The following CRYBG3 variants were observed in gnomAD, a reference collection of about 807,000 sequenced individuals.
The protein encoded by CRYBG3 is crystallin beta-gamma domain containing 3.
A neutral mutation model predicts 244.2 loss-of-function variants in CRYBG3; 127 were observed. The observed-to-expected ratio is 0.52, with a 90% CI of 0.45 to 0.60. The LOEUF is 0.60. Among genes scored for constraint, CRYBG3 ranks in the 20% least tolerant of loss-of-function variants. The pLI, the probability that CRYBG3 is intolerant of heterozygous loss-of-function variation, is 0.00. For synonymous variants in CRYBG3, 1,132 were observed against 1,195.8 expected (o/e 0.95, Z 1.10); for missense variants, 3,325 against 3,442.5 (o/e 0.97, Z 0.85).
Position 97,872,712 on chromosome 3 carries a change from T to G in CRYBG3, c.1518T>G (p.Phe506Leu). ...LQRHAVTDTEFVNEGKRLSAQ... is the reference protein window; with the variant it reads ...LQRHAVTDTELVNEGKRLSAQ... Reference sequence around the variant, plus strand: ...GACATGCTGTGACAGACACAGAATTTGTAAATGAAGGAAAGAGATTGTCTG... The same window carrying G: ...GACATGCTGTGACAGACACAGAATTGGTAAATGAAGGAAAGAGATTGTCTG... The change falls in exon 4 of 22, where the codon TTT (phenylalanine) becomes TTG (leucine). Residue 506 changes from phenylalanine to leucine, a missense_variant. This residue lies in a region of CRYBG3 where 1,526 missense variants were observed against 1,443.2 expected (regional missense o/e 1.06). Transcript: ENST00000389622. 6.5e-7 allele frequency: 1 copy of G among 1,535,982 alleles called. No homozygotes were observed. The highest frequency in any genetic ancestry group is 8.7e-7 in the Non-Finnish European group (1 of 1,146,822).
At chr3:97,831,620 T>C (rs2038654698) in intron 1 of CRYBG3, among the ~76,000 whole-genome samples, 1 of 152,146 alleles carries the variant, frequency 6.6e-6, no homozygotes, top group Non-Finnish European at 1.5e-5. Context: ...TATATGATAT[T>C]TTGTTACATT....
At position 97,895,941 on chromosome 3, in the gene CRYBG3, T is replaced by A. The variant is rs1559736272; in HGVS notation, c.7575-18T>A. On this transcript the variant is annotated intron_variant, in intron 11 of 21. Transcript: ENST00000389622. The stretch of plus-strand genomic sequence containing the variant: ...CAGTTTTATTAATGGGTCATTTGGG[T>A]GTCCCCTGTATTTCTAGGTGGGTTG... 6.8e-6 allele frequency: 11 copies of A among 1,608,078 alleles called. No homozygotes were observed. The highest frequency in any genetic ancestry group is 9.3e-6 in the Non-Finnish European group (11 of 1,177,836).
chr3:97,900,257 A>T (rs2039690427), intron 14 of CRYBG3, among the ~76,000 whole-genome samples, 196 bp from the exon 15 acceptor site: 2 of 152,138 alleles, frequency 1.3e-5, no homozygotes, highest in Admixed American at 6.6e-5. Flanking sequence ...CTGAGTTGGG[A>T]GGATCGCTTG....
Position 97,907,950 on chromosome 3 carries a change from T to C in CRYBG3, c.8005-4217T>C, listed in dbSNP as rs1192944525. 2.0e-5 allele frequency among the ~76,000 whole-genome samples: 3 copies of C among 152,246 alleles called. No homozygotes were observed. In the East Asian group the frequency reaches 5.8e-4, roughly 30 times the overall value. On this transcript the variant is annotated intron_variant, in intron 15 of 21. Transcript: ENST00000389622. ...CCAGAGATTCTGGTATGTTGTGTCT[T>C]TGTTCCCGTTGGTTTCAAAGAACAT...
At position 97,879,723 on chromosome 3, in the gene CRYBG3, T is replaced by C. The variant is rs2039423592; in HGVS notation, c.6863T>C (p.Leu2288Pro). 1 of 1,604,608 alleles carries C rather than the reference T, an allele frequency of 6.2e-7. No individual in the cohort carries two copies. Among genetic ancestry groups the C allele is most frequent in the Admixed American group, 1.7e-5 (1 of 58,708 alleles). The change falls in exon 5 of 22, where the codon CTG (leucine) becomes CCG (proline). Residue 2288 changes from leucine (L) to proline (P), a missense_variant. By Grantham distance (98) the Leu-to-Pro change is moderately conservative. This residue lies in a region of CRYBG3 where 714 missense variants were observed against 803.6 expected (regional missense o/e 0.89). Coordinates refer to ENST00000389622, the MANE Select transcript of CRYBG3 (RefSeq NM_153605.4). Reference protein sequence around the residue: ...PFIENVDKQTLRCNPRPGKMV... With the variant: ...PFIENVDKQTPRCNPRPGKMV... ...TTTCAGAATGTTGACAAACAAACTC[T>C]GAGATGTAACCCAAGACCTGGGAAG... is the stretch of plus-strand genomic sequence containing the variant.
intron 1 of CRYBG3, among the ~76,000 whole-genome samples, chr3:97,827,250 C>T (rs1244477810): frequency 2.0e-5 from 3 of 152,142 alleles, no homozygotes; most frequent in South Asian, 2.1e-4. Context: ...TTCATCTTTG[C>T]GTCCCCTTAG....
In CRYBG3 at chr3:97,915,613, G is replaced by T. The variant is rs1575963152; in HGVS notation, c.8118G>T (p.Trp2706Cys). 6.2e-7 allele frequency: 1 copy of T among 1,608,144 alleles called. No homozygotes were observed. The highest frequency in any genetic ancestry group is 8.5e-7 in the Non-Finnish European group (1 of 1,175,768). The change falls in exon 17 of 22, where the codon TGG (tryptophan) becomes TGT (cysteine). Residue 2706 changes from tryptophan to cysteine, a missense_variant. This residue lies in a region of CRYBG3 where 714 missense variants were observed against 803.6 expected (regional missense o/e 0.89). Transcript: ENST00000389622. ...TGTCTTACTGCTTGGCTTTTAGCTG[G>T]CTCCTCTATTACCAAGAAGACATGT... Reference protein sequence around the residue: ...PCSFKVLRGCWLLYYQEDMFV... With the variant: ...PCSFKVLRGCCLLYYQEDMFV...
At chr3:97,900,867 T>C (rs1305613225) in intron 15 of CRYBG3, among the ~76,000 whole-genome samples, 1 of 152,214 alleles carries the variant, frequency 6.6e-6, no homozygotes, top group Non-Finnish European at 1.5e-5. Flanking sequence ...GCTTATTATG[T>C]ACACGTATTT....
Position 97,873,727 on chromosome 3 carries a change from A to G in CRYBG3, c.2533A>G (p.Lys845Glu), listed in dbSNP as rs530223836. ...TISLSKVSLS[K>E]VEPRNISQDK... ...ATCCTTGTCCAAGGTATCTCTTTCA[A>G]AAGTGGAGCCCAGAAACATTTCTCA... is the stretch of plus-strand genomic sequence containing the variant. The change falls in exon 4 of 22, where the codon AAA (lysine) becomes GAA (glutamate). Residue 845 changes from lysine (K) to glutamate (E), a missense_variant. Physicochemically the swap from Lys to Glu is moderately conservative, Grantham distance 56. Around this residue, in one of 4 missense-constraint regions of CRYBG3, gnomAD observed 1,526 missense variants for 1,443.2 expected, o/e 1.06. Coordinates refer to ENST00000389622, the MANE Select transcript of CRYBG3 (RefSeq NM_153605.4). 6.5e-7 allele frequency: 1 copy of G among 1,535,970 alleles called. No homozygotes were observed. Among genetic ancestry groups the G allele is most frequent in the East Asian group, 2.4e-5 (1 of 40,902 alleles).
At position 97,892,061 on chromosome 3, in the gene CRYBG3, T is replaced by C. The variant is rs1196205207; in HGVS notation, c.7441-799T>C. Among the ~76,000 whole-genome samples, 4 of 152,148 alleles carry C rather than the reference T, an allele frequency of 2.6e-5. No homozygotes were observed. The East Asian group carries it at 7.7e-4, about 29-fold the overall frequency. On this transcript the variant is annotated intron_variant, in intron 10 of 21. Coordinates refer to ENST00000389622, the MANE Select transcript of CRYBG3 (RefSeq NM_153605.4). ...TAGCCATTGCTTTGATTGCGCTGTG[T>C]TTTCAGGATCATACGGGTAAAGCCA...
intron 2 of CRYBG3, among the ~76,000 whole-genome samples, chr3:97,857,232 A>G (rs1331571268): frequency 6.6e-6 from 1 of 152,066 alleles, no homozygotes; most frequent in African/African-American, 2.4e-5. Context: ...GGTCAAAAAA[A>G]TACTTCGTAT....
intron 1 of CRYBG3, among the ~76,000 whole-genome samples, chr3:97,828,309 A>G (rs546724139): frequency 3.7e-4 from 56 of 152,284 alleles, no homozygotes; most frequent in African/African-American, 1.2e-3. Context: ...TCCACTGAAC[A>G]TGTACAGTTT....
chr3:97,856,597 G>T (rs1335384908), intron 2 of CRYBG3, among the ~76,000 whole-genome samples: 2 of 152,214 alleles, frequency 1.3e-5, no homozygotes, highest in South Asian at 2.1e-4. Context: ...CACAATCCAC[G>T]TTCTTCTGCC....
chr3:97,842,573 T>A (rs925873129), intron 1 of CRYBG3, among the ~76,000 whole-genome samples: 1 of 151,952 alleles, frequency 6.6e-6, no homozygotes, highest in African/African-American at 2.4e-5. Context: ...AAAAAAAATC[T>A]TAAATGTGTC....
intron 3 of CRYBG3, among the ~76,000 whole-genome samples, chr3:97,865,254 A>C (rs933514897): frequency 5.3e-5 from 8 of 152,196 alleles, no homozygotes; most frequent in African/African-American, 1.7e-4. Context: ...TGTTGAGTCC[A>C]TTCAATATTT....
intron 1 of CRYBG3, 94 bp downstream of exon 1, chr3:97,822,449 C>A: frequency 8.2e-7 from 1 of 1,215,396 alleles, no homozygotes; most frequent in Non-Finnish European, 1.1e-6. Flanking sequence ...CGCTCTTGGG[C>A]CAGGCTGCAG....
rs2039377661 is a variant in CRYBG3, at chr3:97,876,748, G to T, written c.5554G>T (p.Asp1852Tyr). The change falls in exon 4 of 22, where the codon GAT becomes TAT. Residue 1852 changes from aspartate to tyrosine, a missense_variant. Physicochemically the swap from Asp to Tyr is radical, Grantham distance 160. Coordinates refer to ENST00000389622, the MANE Select transcript of CRYBG3 (RefSeq NM_153605.4). ...AGAAATGGAAAAAATATCCCCAGAA[G>T]ATCGTGGTGAGAATATTGGGAAACA... Reference protein sequence around the residue: ...VIEMEKISPEDRGENIGKHKV... With the variant: ...VIEMEKISPEYRGENIGKHKV... 1 of 1,255,338 alleles carries T rather than the reference G, an allele frequency of 8.0e-7. No homozygotes were observed. The highest frequency in any genetic ancestry group is 1.0e-6 in the Non-Finnish European group (1 of 1,002,542). The allele number at this position is 1,255,338 out of a possible 1,614,324, so 77.8% of individuals were successfully genotyped here. A position where few individuals can be genotyped will look rare whatever the true frequency, so the allele number is the denominator to read the frequency against.
chr3:97,921,122 A>G (rs1454216288), intron 17 of CRYBG3, among the ~76,000 whole-genome samples: 2 of 109,908 alleles, frequency 1.8e-5, no homozygotes, highest in African/African-American at 7.5e-5. Context: ...AACTTTCTCT[A>G]TTTTGTGTTT....
At position 97,853,406 on chromosome 3, in the gene CRYBG3, T is replaced by TACACACAC. The variant is rs57065921; in HGVS notation, c.216+10170_216+10177dup. On this transcript the variant is annotated intron_variant, in intron 2 of 21. Transcript: ENST00000389622. ...CACACAGACACACACACACATACAA[T>TACACACAC]ACACACACACACACACACACACACA... Among the ~76,000 whole-genome samples, 649 of 147,778 alleles carry TACACACAC rather than the reference T, an allele frequency of 4.4e-3. 3 individuals are homozygous for TACACACAC. The highest frequency in any genetic ancestry group is 7.2e-3 in the Non-Finnish European group (481 of 66,750).
Sources: allele counts gnomAD v4.1 joint callset (sites outside exome capture counted in the v4.1 genomes callset), GRCh38; gene constraint gnomAD v4.1.1; regional missense constraint gnomAD v4.1.1; transcripts MANE v1.5; gene names NCBI Gene and HGNC (gene_info 2026-07-23, HGNC 2026-07-21).